Variants in CMSS1 observed in about 807,000 individuals in gnomAD.
The protein encoded by CMSS1 is cms1 ribosomal small subunit homolog.
CMSS1 carries 33 observed loss-of-function variants against 43.5 expected under a neutral mutation model. The observed-to-expected ratio is 0.76, with a 90% confidence interval of 0.57 to 1.01. The LOEUF is 1.01. CMSS1 is among the 50% of genes least tolerant of loss of function. CMSS1 has a pLI of 0.00. For missense variants in CMSS1, 313 were observed against 326.4 expected (o/e 0.96, Z 0.32); for synonymous variants, 115 against 117.2 (o/e 0.98, Z 0.12).
intron 1 of CMSS1, among the ~76,000 whole-genome samples, chr3:99,905,160 G>A (rs2107632241): frequency 6.6e-6 from 1 of 152,278 alleles, no homozygotes; most frequent in East Asian, 1.9e-4. Context: ...CCCTTTGAAT[G>A]TAGGCATTTG....
At chr3:100,018,876 A>C (rs1016453197) in intron 1 of CMSS1, among the ~76,000 whole-genome samples, 1 of 152,188 alleles carries the variant, frequency 6.6e-6, no homozygotes, top group Admixed American at 6.5e-5. Context: ...AGCTCATTAA[A>C]AAATTGTCAA....
chr3:99,923,162 T>C (rs1039941299), intron 1 of CMSS1, among the ~76,000 whole-genome samples: 4 of 152,096 alleles, frequency 2.6e-5, no homozygotes, highest in African/African-American at 9.7e-5. Flanking sequence ...TGATGTATTC[T>C]AGGGTTCCCT....
chr3:99,902,910 G>A (rs905380390), intron 1 of CMSS1, among the ~76,000 whole-genome samples: 2 of 152,160 alleles, frequency 1.3e-5, no homozygotes, highest in African/African-American at 4.8e-5. Context: ...TTTATTTAAA[G>A]CAACTAAAAT....
intron 1 of CMSS1, among the ~76,000 whole-genome samples, chr3:100,084,449 G>C (rs1424960749): frequency 3.9e-5 from 6 of 152,072 alleles, no homozygotes; most frequent in Non-Finnish European, 5.9e-5. Context: ...TCAGATTTCA[G>C]ATATATAGAA....
intron 1 of CMSS1, among the ~76,000 whole-genome samples, chr3:100,076,961 CAGAAG>C (rs2065859822): frequency 3.3e-5 from 5 of 152,184 alleles, no homozygotes; most frequent in Admixed American, 2.6e-4. Flanking sequence ...TGTCTCTTCC[CAGAAG>C]ACCCTTTACT....
chr3:99,989,690 T>TG (rs1559716333), intron 1 of CMSS1, among the ~76,000 whole-genome samples: 1 of 149,744 alleles, frequency 6.7e-6, no homozygotes, highest in Non-Finnish European at 1.5e-5. Flanking sequence ...ATATATTTTT[T>TG]TTCTTTTTTT....
Position 99,905,884 on chromosome 3 carries a change from G to A in CMSS1, c.64+87841G>A, listed in dbSNP as rs910337964. The stretch of plus-strand genomic sequence containing the variant: ...TAGTTGCTTCACTTCTTTAACATTT[G>A]GTAATATCTTTTTATTTAGCCTTTC... On this transcript the variant is annotated intron_variant, in intron 1 of 9. Transcript: ENST00000421999. Among the ~76,000 whole-genome samples the A allele has an allele frequency of 3.9e-5, 6 of 152,162 alleles. 1 individual carries two copies. The East Asian group carries it at 7.7e-4, about 20-fold the overall frequency.
intron 1 of CMSS1, among the ~76,000 whole-genome samples, chr3:99,971,068 T>A (rs1452463966): frequency 2.0e-5 from 3 of 152,200 alleles, no homozygotes; most frequent in East Asian, 3.9e-4. Context: ...CTGGGCGTGG[T>A]GGCTCACGCC....
At chr3:99,926,511 T>G (rs561744920) in intron 1 of CMSS1, among the ~76,000 whole-genome samples, 1 of 152,348 alleles carries the variant, frequency 6.6e-6, no homozygotes, top group African/African-American at 2.4e-5. Context: ...TCAACTCCTT[T>G]TGCAATTTGA....
chr3:99,935,760 T>C (rs1351518064), intron 1 of CMSS1, among the ~76,000 whole-genome samples: 1 of 152,216 alleles, frequency 6.6e-6, no homozygotes, highest in Non-Finnish European at 1.5e-5. Context: ...CAGTTGGCAG[T>C]GAGAAGTAGA....
chr3:99,951,421 G>C (rs931937792), intron 1 of CMSS1, among the ~76,000 whole-genome samples: 17 of 152,146 alleles, frequency 1.1e-4, no homozygotes, highest in African/African-American at 4.1e-4. Flanking sequence ...TATGTACTCT[G>C]TCGAATGAAT....
intron 1 of CMSS1, among the ~76,000 whole-genome samples, chr3:99,856,810 T>C (rs556059959): frequency 6.6e-6 from 1 of 152,370 alleles, no homozygotes; most frequent in South Asian, 2.1e-4. Context: ...GATGTGTGCC[T>C]ATATTTTATC....
intron 1 of CMSS1, among the ~76,000 whole-genome samples, chr3:99,944,520 A>G (rs1707949641): frequency 6.6e-6 from 1 of 152,224 alleles, no homozygotes; most frequent in South Asian, 2.1e-4. Flanking sequence ...CACTTTGTGC[A>G]CACTAAATCG....
At chr3:100,160,673 GT>G (rs1559776266) in intron 3 of CMSS1, among the ~76,000 whole-genome samples, 172 bp downstream of exon 3, 1 of 152,134 alleles carries the variant, frequency 6.6e-6, no homozygotes, top group Non-Finnish European at 1.5e-5. Flanking sequence ...AAGTGTTTCT[GT>G]TGGAGCTAAG....
At chr3:99,825,651 T>C (rs1437636549) in intron 1 of CMSS1, among the ~76,000 whole-genome samples, 1 of 152,190 alleles carries the variant, frequency 6.6e-6, no homozygotes, top group Non-Finnish European at 1.5e-5. Flanking sequence ...TAAATGTCCA[T>C]GAATCTCTTG....
At chr3:100,010,917 G>A (rs1187682371) in intron 1 of CMSS1, among the ~76,000 whole-genome samples, 11 of 150,686 alleles carry the variant, frequency 7.3e-5, no homozygotes, top group Admixed American at 5.3e-4. Context: ...GTGAGCCACC[G>A]CGCCCAGCTG....
chr3:99,923,455 G>A (rs1345234500), intron 1 of CMSS1, among the ~76,000 whole-genome samples: 1 of 152,092 alleles, frequency 6.6e-6, no homozygotes, highest in Non-Finnish European at 1.5e-5. Context: ...TATTTCATAT[G>A]TTCCTGAATA....
chr3:99,825,769 CTTTTTCTTTTTTT>C (rs1190086666), intron 1 of CMSS1, among the ~76,000 whole-genome samples: 2 of 139,668 alleles, frequency 1.4e-5, no homozygotes, highest in Admixed American at 1.4e-4. Flanking sequence ...TTCTTTTTTT[CTTTTTCTTTTTTT>C]TTTTTTTTTT....
At chr3:100,074,675 A>ATTTTTTTTTTTTT (rs555819875) in intron 1 of CMSS1, among the ~76,000 whole-genome samples, 1,138 of 34,776 alleles carry the variant, frequency 0.033, 432 homozygotes, top group East Asian at 0.041. Context: ...GCAACATTTG[A>ATTTTTTTTTTTTT]TTTTTTTTTT....
Sources: allele counts gnomAD v4.1 joint callset (sites outside exome capture counted in the v4.1 genomes callset), GRCh38; gene constraint gnomAD v4.1.1; transcripts MANE v1.5; gene names NCBI Gene and HGNC (gene_info 2026-07-23, HGNC 2026-07-21).